MAMDC2: variants seen among roughly 807,000 people sequenced by gnomAD.
The protein encoded by MAMDC2 is MAM domain-containing protein 2.
In MAMDC2, 57 loss-of-function variants were observed where a neutral mutation model predicts 89.8. The ratio of observed to expected loss-of-function variants is 0.63; its 90% CI spans 0.51 to 0.79. The LOEUF is 0.79. Ranked by LOEUF, MAMDC2 falls within the 30% of genes least tolerant of loss-of-function variation. The probability of loss-of-function intolerance (pLI) is 0.00; values close to 1 mark genes in which losing one functional copy is unlikely to be tolerated. For synonymous variants in MAMDC2, 313 were observed against 293.4 expected (o/e 1.07, Z -0.68); for missense variants, 800 against 820.6 (o/e 0.97, Z 0.31).
chr9:70,152,813 T>C (rs2031626271), intron 9 of MAMDC2, among the ~76,000 whole-genome samples: 1 of 152,130 alleles, frequency 6.6e-6, no homozygotes, highest in Non-Finnish European at 1.5e-5. Context: ...ATACCAGGAG[T>C]ATAGCCATAT....
chr9:70,161,477 T>C (rs528460912), intron 9 of MAMDC2, among the ~76,000 whole-genome samples: 2 of 152,346 alleles, frequency 1.3e-5, no homozygotes, highest in South Asian at 4.1e-4. Flanking sequence ...TAAAAACACA[T>C]GGTCATTCTG....
chr9:70,222,011 G>A (rs944961737), intron 12 of MAMDC2, among the ~76,000 whole-genome samples: 1 of 152,122 alleles, frequency 6.6e-6, no homozygotes, highest in Non-Finnish European at 1.5e-5. Flanking sequence ...ATACTGCAAT[G>A]GGACAAGGAG....
chr9:70,161,805 G>C (rs2031983512), intron 9 of MAMDC2, among the ~76,000 whole-genome samples: 1 of 152,192 alleles, frequency 6.6e-6, no homozygotes, highest in Non-Finnish European at 1.5e-5. Context: ...GAATTTCACT[G>C]ACTGGATTAT....
At chr9:70,121,717 G>A (rs1265627301) in intron 5 of MAMDC2, among the ~76,000 whole-genome samples, 14 of 143,508 alleles carry the variant, frequency 9.8e-5, no homozygotes, top group Admixed American at 6.9e-5. Flanking sequence ...TCTGACAAAG[G>A]AAAAAAAAAA....
chr9:70,120,884 C>G (rs1475004519), intron 5 of MAMDC2, among the ~76,000 whole-genome samples: 1 of 152,204 alleles, frequency 6.6e-6, no homozygotes, highest in Non-Finnish European at 1.5e-5. Context: ...GGTGGAAAAA[C>G]ATGCATCATA....
At chr9:70,055,728 G>T (rs984558338) in intron 2 of MAMDC2, among the ~76,000 whole-genome samples, 2 of 152,170 alleles carry the variant, frequency 1.3e-5, no homozygotes, top group African/African-American at 2.4e-5. Context: ...ATTAGAGTTT[G>T]CTCTTGGAAC....
chr9:70,212,550 G>C (rs2033376601), intron 11 of MAMDC2, among the ~76,000 whole-genome samples: 1 of 152,190 alleles, frequency 6.6e-6, no homozygotes, highest in Non-Finnish European at 1.5e-5. Context: ...GCTAGGAAAG[G>C]GAATTCTGCG....
At chr9:70,102,123 T>C (rs190733543) in intron 2 of MAMDC2, among the ~76,000 whole-genome samples, 3 of 152,338 alleles carry the variant, frequency 2.0e-5, no homozygotes, top group Non-Finnish European at 4.4e-5. Flanking sequence ...GGGTTGTTTT[T>C]AGTTGGTTTG....
intron 2 of MAMDC2, among the ~76,000 whole-genome samples, chr9:70,073,511 C>T (rs887218140): frequency 6.6e-6 from 1 of 152,178 alleles, no homozygotes; most frequent in Non-Finnish European, 1.5e-5. Flanking sequence ...AGCTTGGATA[C>T]CTCTCCTTAA....
intron 11 of MAMDC2, among the ~76,000 whole-genome samples, chr9:70,209,826 T>C (rs2033313005): frequency 6.6e-6 from 1 of 152,244 alleles, no homozygotes; most frequent in African/African-American, 2.4e-5. Flanking sequence ...GAGATTCTGG[T>C]ATATTGTGTC....
chr9:70,128,150 A>T (rs545737697), intron 6 of MAMDC2, among the ~76,000 whole-genome samples: 1 of 152,218 alleles, frequency 6.6e-6, no homozygotes, highest in South Asian at 2.1e-4. Context: ...GTTTAATGTC[A>T]TCACATTCTC....
chr9:70,072,548 C>T (rs1276496073), intron 2 of MAMDC2, among the ~76,000 whole-genome samples: 2 of 152,134 alleles, frequency 1.3e-5, no homozygotes, highest in African/African-American at 4.8e-5. Context: ...TGAATCCTCA[C>T]AACAAATCTA....
At chr9:70,060,621 A>G (rs933596330) in intron 2 of MAMDC2, 1 of 152,142 alleles carries the variant, frequency 6.6e-6, no homozygotes, top group Non-Finnish European at 1.5e-5. Context: ...TCCTGCAGCA[A>G]AGAAAAGATA....
At chr9:70,067,059 A>G (rs570563053) in intron 2 of MAMDC2, among the ~76,000 whole-genome samples, 4 of 152,216 alleles carry the variant, frequency 2.6e-5, no homozygotes, top group African/African-American at 7.2e-5. Context: ...AGGACTGGAC[A>G]GAGGTAGAAA....
At chr9:70,143,939 T>C (rs1232951974) in intron 9 of MAMDC2, 120 bp downstream of exon 9, 5 of 1,199,710 alleles carry the variant, frequency 4.2e-6, no homozygotes, top group Non-Finnish European at 5.9e-6. Flanking sequence ...GCCTACGGCC[T>C]CACCCTTACA....
intron 2 of MAMDC2, among the ~76,000 whole-genome samples, chr9:70,067,394 A>G (rs1587440318): frequency 6.6e-6 from 1 of 152,052 alleles, no homozygotes; most frequent in East Asian, 1.9e-4. Flanking sequence ...TGGCATAGAT[A>G]TTGTCAGGAT....
intron 4 of MAMDC2, among the ~76,000 whole-genome samples, chr9:70,110,608 GA>G (rs5898116): frequency 0.033 from 5,013 of 152,294 alleles, 268 homozygotes; most frequent in African/African-American, 0.11. Flanking sequence ...GTGAGACCAG[GA>G]CTGCTAAGGG....
chr9:70,145,733 A>T (rs751794747), intron 9 of MAMDC2, among the ~76,000 whole-genome samples: 7 of 151,900 alleles, frequency 4.6e-5, no homozygotes, highest in Non-Finnish European at 1.0e-4. Flanking sequence ...CTTTGATTTA[A>T]TTAATTATTT....
At chr9:70,059,330 G>A (rs1025918931) in intron 2 of MAMDC2, among the ~76,000 whole-genome samples, 2 of 152,124 alleles carry the variant, frequency 1.3e-5, no homozygotes, top group African/African-American at 4.8e-5. Context: ...CAGTGACGAA[G>A]GTACCCCTTA....
Sources: gnomAD v4.1 joint callset for allele counts (sites outside exome capture counted in the v4.1 genomes callset) on GRCh38, gnomAD v4.1.1 for gene constraint, MANE v1.5 for transcripts, NCBI Gene and HGNC (gene_info 2026-07-23, HGNC 2026-07-21) for gene names.